CNTNAP2: variants seen among roughly 807,000 people sequenced by gnomAD.
CNTNAP2 encodes the protein contactin associated protein 2, also known as contactin-associated protein-like 2.
CNTNAP2 carries 98 observed loss-of-function variants against 155.2 expected under a neutral mutation model. That is an observed-to-expected ratio of 0.63 (90% confidence interval 0.54 to 0.75). The LOEUF (loss-of-function observed/expected upper bound fraction) is 0.75. Among genes scored for constraint, CNTNAP2 ranks in the 30% least tolerant of loss-of-function variants. The pLI is 0.00. For synonymous variants in CNTNAP2, 651 were observed against 631.2 expected, an observed-to-expected ratio of 1.03 and a Z score of -0.47; for missense variants, 1,727 against 1,688.1, an observed-to-expected ratio of 1.02 and a Z score of -0.40.
At chr7:147,166,161 A>G (rs989092347) in intron 8 of CNTNAP2, among the ~76,000 whole-genome samples, 1 of 151,902 alleles carries the variant, frequency 6.6e-6, no homozygotes, top group Non-Finnish European at 1.5e-5. Flanking sequence ...TGTGTAAAGA[A>G]ATTATGAGAT....
At chr7:147,443,015 G>A (rs1797669607) in intron 10 of CNTNAP2, among the ~76,000 whole-genome samples, 1 of 152,114 alleles carries the variant, frequency 6.6e-6, no homozygotes, top group African/African-American at 2.4e-5. Context: ...ACCCTGGATA[G>A]CATCTCAGGA....
At chr7:146,971,512 A>T (rs979496840) in intron 3 of CNTNAP2, among the ~76,000 whole-genome samples, 9 of 152,182 alleles carry the variant, frequency 5.9e-5, no homozygotes, top group Non-Finnish European at 8.8e-5. Context: ...TTAGAGGTGG[A>T]TAGCTTATCA....
chr7:148,065,368 A>G (rs1009378906), intron 15 of CNTNAP2, among the ~76,000 whole-genome samples: 5 of 152,014 alleles, frequency 3.3e-5, no homozygotes, highest in African/African-American at 1.2e-4. Context: ...CTTGATATCC[A>G]GTGCTGTCAG....
At chr7:146,273,516 G>T (rs1379547806) in intron 1 of CNTNAP2, among the ~76,000 whole-genome samples, 1 of 152,106 alleles carries the variant, frequency 6.6e-6, no homozygotes, top group Non-Finnish European at 1.5e-5. Flanking sequence ...AAGAAATGGG[G>T]GTGGGTGTGT....
chr7:148,127,909 G>C (rs143322362), intron 16 of CNTNAP2, among the ~76,000 whole-genome samples: 19 of 152,160 alleles, frequency 1.2e-4, no homozygotes, highest in Non-Finnish European at 2.4e-4. Flanking sequence ...CCTCTCTGTC[G>C]CCCAGCCTGG....
chr7:147,341,721 C>G (rs924260956), intron 9 of CNTNAP2, among the ~76,000 whole-genome samples: 1 of 151,078 alleles, frequency 6.6e-6, no homozygotes, highest in Admixed American at 6.6e-5. Context: ...ACTCCTACCC[C>G]AAACCCAACA....
At chr7:148,245,359 A>G (rs918360246) in intron 20 of CNTNAP2, among the ~76,000 whole-genome samples, 1 of 152,254 alleles carries the variant, frequency 6.6e-6, no homozygotes, top group African/African-American at 2.4e-5. Context: ...AATTAAAAAA[A>G]TAATATGTGT....
At chr7:147,065,604 T>C (rs1466926973) in intron 4 of CNTNAP2, among the ~76,000 whole-genome samples, 1 of 152,224 alleles carries the variant, frequency 6.6e-6, no homozygotes, top group Admixed American at 6.5e-5. Context: ...AGTTTTCCTC[T>C]TATATCCTGT....
rs1264524483 is a variant in CNTNAP2 at position 147,485,924 on chromosome 7, C to T, written c.1671-11C>T. The T allele has an allele frequency of 6.2e-7, 1 of 1,613,338 alleles. No homozygotes were observed. The highest frequency in any genetic ancestry group is 1.3e-5 in the African/African-American group (1 of 74,892). ...TGTTGGTTTATTTCTGTTTGTCTCTCTCTCTGACAGATGTGTGCCCAATCA... is the reference window on the plus strand; with the variant it reads ...TGTTGGTTTATTTCTGTTTGTCTCTTTCTCTGACAGATGTGTGCCCAATCA... On this transcript the variant is annotated splice_polypyrimidine_tract_variant and intron_variant, in intron 10 of 23. Coordinates refer to ENST00000361727, the MANE Select transcript of CNTNAP2 (RefSeq NM_014141.6).
intron 3 of CNTNAP2, among the ~76,000 whole-genome samples, chr7:147,006,920 G>C (rs549849385): frequency 6.6e-6 from 1 of 152,056 alleles, no homozygotes; most frequent in Non-Finnish European, 1.5e-5. Flanking sequence ...GCTGAAAGCC[G>C]AGTCAGGGTG....
At chr7:146,585,213 C>T (rs1273389108) in intron 1 of CNTNAP2, among the ~76,000 whole-genome samples, 2 of 152,084 alleles carry the variant, frequency 1.3e-5, no homozygotes, top group Non-Finnish European at 2.9e-5. Context: ...CCTCTGACTC[C>T]CTGGTTCAAG....
chr7:148,294,210 C>T (rs533632805), intron 21 of CNTNAP2, among the ~76,000 whole-genome samples: 4 of 152,178 alleles, frequency 2.6e-5, no homozygotes, highest in Middle Eastern at 6.8e-3. Context: ...TCAGAAGGCA[C>T]GCTGGCACCC....
At chr7:148,013,904 C>T (rs539787930) in intron 15 of CNTNAP2, among the ~76,000 whole-genome samples, 3 of 151,940 alleles carry the variant, frequency 2.0e-5, no homozygotes, top group Admixed American at 6.6e-5. Flanking sequence ...ACTGTGATCA[C>T]GGAAACAAGG....
chr7:146,379,624 TC>T (rs1795353104), intron 1 of CNTNAP2, among the ~76,000 whole-genome samples: 1 of 152,164 alleles, frequency 6.6e-6, no homozygotes, highest in Non-Finnish European at 1.5e-5. Context: ...TGTTCACTCT[TC>T]CTGTGTTAGG....
rs117467514 is a variant in CNTNAP2, at chr7:147,288,455, G to T, written c.1349-11686G>T. Among the ~76,000 whole-genome samples the T allele has an allele frequency of 9.1e-3, 1,388 of 152,292 alleles. 8 individuals are homozygous for T. The highest frequency in any genetic ancestry group is 0.03 in the South Asian group (144 of 4,822). ...GGAGAACTGTAAAAGGGCTTAAGCT[G>T]GTGGGAGCAAATTTACACGTTCCTC... On this transcript the variant is annotated intron_variant, in intron 8 of 23. Coordinates refer to ENST00000361727, the MANE Select transcript of CNTNAP2 (RefSeq NM_014141.6).
At position 147,637,504 on chromosome 7, in the gene CNTNAP2, T is replaced by G. The variant is rs558584529; in HGVS notation, c.1898-1602T>G. Among the ~76,000 whole-genome samples, 3 of 152,278 alleles carry G rather than the reference T, an allele frequency of 2.0e-5. No homozygotes were observed. The South Asian group carries it at 6.2e-4, about 32-fold the overall frequency. Reference sequence around the variant, plus strand: ...AGGAGGAAGTTCAATAAGTCTCTTTTAATCTACAGCACGCTCTCTCTTGCG... The same window carrying G: ...AGGAGGAAGTTCAATAAGTCTCTTTGAATCTACAGCACGCTCTCTCTTGCG... On this transcript the variant is annotated intron_variant, in intron 12 of 23. Coordinates refer to ENST00000361727, the MANE Select transcript of CNTNAP2 (RefSeq NM_014141.6).
intron 3 of CNTNAP2, among the ~76,000 whole-genome samples, chr7:146,998,092 G>GT (rs1563037744): frequency 6.6e-6 from 1 of 151,166 alleles, no homozygotes; most frequent in Admixed American, 6.6e-5. Context: ...TTAGATATGG[G>GT]TTTTTTTCTT....
At chr7:147,720,576 G>A (rs1796550745) in intron 13 of CNTNAP2, among the ~76,000 whole-genome samples, 1 of 152,086 alleles carries the variant, frequency 6.6e-6, no homozygotes, top group South Asian at 2.1e-4. Context: ...CCCCACGTGT[G>A]AAGGAAGAGA....
intron 9 of CNTNAP2, among the ~76,000 whole-genome samples, chr7:147,372,641 A>T (rs1468527018): frequency 6.6e-6 from 1 of 152,100 alleles, no homozygotes; most frequent in East Asian, 1.9e-4. Flanking sequence ...CTGCACATCT[A>T]AGTTTGCTTT....
Sources: gnomAD v4.1 joint callset for allele counts (sites outside exome capture counted in the v4.1 genomes callset) on GRCh38, gnomAD v4.1.1 for gene constraint, MANE v1.5 for transcripts, NCBI Gene and HGNC (gene_info 2026-07-23, HGNC 2026-07-21) for gene names.